Variants in ABTB2 observed in about 807,000 individuals in gnomAD.
The protein encoded by ABTB2 is ankyrin repeat and BTB/POZ domain-containing protein 2.
Under a neutral mutation model 104.1 loss-of-function variants are expected in ABTB2, and 56 were observed. The ratio of observed to expected loss-of-function variants is 0.54; its 90% CI spans 0.43 to 0.67. ABTB2 has a LOEUF of 0.67. Ranked by LOEUF, ABTB2 falls within the 30% of genes least tolerant of loss-of-function variation. ABTB2 has a pLI of 0.00. For missense variants in ABTB2, 1,279 were observed against 1,407.7 expected (o/e 0.91, Z 1.46); for synonymous variants, 606 against 608.2 (o/e 1.00, Z 0.05).
chr11:34,164,935 A>C, intron 8 of ABTB2, 114 bp from the exon 9 acceptor site: 3 of 1,290,042 alleles, frequency 2.3e-6, no homozygotes, highest in Non-Finnish European at 3.2e-6. Flanking sequence ...GGAATAAGTC[A>C]GTAAACCCCA....
rs1854071093 is a variant in ABTB2 at position 34,252,737 on chromosome 11, A to T, written c.884-48047T>A. On this transcript the variant is annotated intron_variant, in intron 1 of 16. Coordinates refer to ENST00000435224, the MANE Select transcript of ABTB2 (RefSeq NM_145804.3). The surrounding 1 kb of genome is among the most constrained non-coding windows in gnomAD (Gnocchi z 5.5). The stretch of plus-strand genomic sequence containing the variant: ...GTCTTATTTTCCACCTTCTACTCAA[A>T]CATGTTTTTATAACGTGCAACCACC... 6.6e-6 allele frequency among the ~76,000 whole-genome samples: 1 copy of T among 151,828 alleles called. No individual in the cohort carries two copies. Among genetic ancestry groups the T allele is most frequent in the African/African-American group, 2.4e-5 (1 of 41,324 alleles).
chr11:34,188,540 G>A (rs1427522402), intron 3 of ABTB2, among the ~76,000 whole-genome samples: 8 of 152,108 alleles, frequency 5.3e-5, no homozygotes, highest in Non-Finnish European at 1.0e-4. Flanking sequence ...GGGAATACAC[G>A]GAAACAAGTA....
intron 1 of ABTB2, among the ~76,000 whole-genome samples, chr11:34,243,807 G>C (rs1353428953): frequency 1.3e-5 from 2 of 152,080 alleles, no homozygotes; most frequent in East Asian, 3.9e-4. Flanking sequence ...TCTAGAGCAC[G>C]GTTCTTCGCA....
chr11:34,311,015 G>A (rs1455931098), intron 1 of ABTB2, among the ~76,000 whole-genome samples: 1 of 152,220 alleles, frequency 6.6e-6, no homozygotes, highest in Non-Finnish European at 1.5e-5. Context: ...ACAGAGAGAT[G>A]CCGTTTCTCC....
intron 1 of ABTB2, among the ~76,000 whole-genome samples, chr11:34,350,449 G>A (rs1373317692): frequency 6.6e-6 from 1 of 152,316 alleles, no homozygotes; most frequent in Admixed American, 6.5e-5. Context: ...GTCACCAGCA[G>A]GTGACACTTA....
rs1005923112 is a variant in ABTB2, at chr11:34,159,424, C to T, written c.2607-38G>A. ...AGACAAAGCAAGGTGGGTTTTGAAC[C>T]TTTTACTTCACCACTGTGTGGCGAT... On this transcript the variant is annotated intron_variant, in intron 13 of 16. Transcript: ENST00000435224. 2.9e-6 allele frequency: 4 copies of T among 1,401,754 alleles called. No individual in the cohort carries two copies. The African/African-American group carries it at 5.7e-5, about 20-fold the overall frequency. 86.8% of individuals were successfully genotyped at this position (1,401,754 alleles called of 1,614,324 possible). A position where few individuals can be genotyped will look rare whatever the true frequency, so the allele number is the denominator to read the frequency against.
At chr11:34,276,684 G>C (rs961799721) in intron 1 of ABTB2, among the ~76,000 whole-genome samples, 2 of 152,188 alleles carry the variant, frequency 1.3e-5, no homozygotes, top group African/African-American at 4.8e-5. Flanking sequence ...AATCAAATTA[G>C]CTTGACCAGT....
At chr11:34,258,534 C>T (rs890676390) in intron 1 of ABTB2, among the ~76,000 whole-genome samples, 12 of 150,986 alleles carry the variant, frequency 7.9e-5, no homozygotes, top group Non-Finnish European at 1.2e-4. Flanking sequence ...GGAATTGCCT[C>T]TTAGAGTTGT....
intron 1 of ABTB2, among the ~76,000 whole-genome samples, chr11:34,304,565 A>C (rs1052279874): frequency 1.3e-5 from 2 of 152,210 alleles, no homozygotes; most frequent in African/African-American, 4.8e-5. Flanking sequence ...TCACGCCTGT[A>C]ATCCAACACT....
intron 7 of ABTB2, among the ~76,000 whole-genome samples, chr11:34,166,454 C>A (rs1432215406): frequency 1.3e-5 from 2 of 152,264 alleles, no homozygotes; most frequent in Non-Finnish European, 2.9e-5. Context: ...TGCTCCGGTT[C>A]TTATAAGGCA....
chr11:34,312,426 C>T (rs2077441), intron 1 of ABTB2, among the ~76,000 whole-genome samples: 28,316 of 152,030 alleles, frequency 0.19, 2,990 homozygotes, highest in East Asian at 0.41. Flanking sequence ...TAGGGGGTCA[C>T]CTTGAGGATT....
chr11:34,153,016 G>A (rs1431752302), intron 16 of ABTB2, among the ~76,000 whole-genome samples: 1 of 152,170 alleles, frequency 6.6e-6, no homozygotes, highest in East Asian at 1.9e-4. Flanking sequence ...TGCTGCTGAT[G>A]TCCTAGTTTG....
intron 1 of ABTB2, among the ~76,000 whole-genome samples, chr11:34,236,561 A>G (rs1200799718): frequency 6.6e-6 from 1 of 152,158 alleles, no homozygotes; most frequent in Admixed American, 6.5e-5. Flanking sequence ...AGAGGACCCC[A>G]TTCTCTTTTG....
intron 1 of ABTB2, among the ~76,000 whole-genome samples, chr11:34,257,308 C>T (rs913593537): frequency 3.9e-5 from 6 of 152,162 alleles, no homozygotes; most frequent in African/African-American, 9.7e-5. Context: ...GAAGAAAAAG[C>T]GACTGCAGCA....
At chr11:34,165,989 AC>A (rs1852795118) in intron 7 of ABTB2, among the ~76,000 whole-genome samples, 1 of 152,214 alleles carries the variant, frequency 6.6e-6, no homozygotes, top group Non-Finnish European at 1.5e-5. Flanking sequence ...TTGACAGGGG[AC>A]AGACGGGGCA....
intron 1 of ABTB2, among the ~76,000 whole-genome samples, chr11:34,255,497 C>A (rs1297452657): frequency 6.8e-6 from 1 of 146,374 alleles, no homozygotes; most frequent in Non-Finnish European, 1.5e-5. Context: ...TTAAAAACTT[C>A]TTTTTTTTTT....
In ABTB2 at chr11:34,155,282, A is replaced by T. The variant is rs138085805; in HGVS notation, c.2698-513T>A. 1.8e-4 allele frequency among the ~76,000 whole-genome samples: 27 copies of T among 152,286 alleles called. 2 individuals are homozygous for T. The East Asian group carries it at 5.2e-3, about 29-fold the overall frequency. ...TTCCCCTGTTTGCACAAGGACTCCAATGTGGAGGTGAGTGCCCCATCTGGG... is the reference window on the plus strand; with the variant it reads ...TTCCCCTGTTTGCACAAGGACTCCATTGTGGAGGTGAGTGCCCCATCTGGG... On this transcript the variant is annotated intron_variant, in intron 14 of 16. Transcript: ENST00000435224.
intron 1 of ABTB2, among the ~76,000 whole-genome samples, chr11:34,237,794 G>A (rs1853864593): frequency 6.6e-6 from 1 of 152,206 alleles, no homozygotes; most frequent in South Asian, 2.1e-4. Flanking sequence ...GGGAGGCTGA[G>A]GCAGGAGAAT....
chr11:34,264,681 C>T (rs548112830), intron 1 of ABTB2, among the ~76,000 whole-genome samples: 219 of 152,316 alleles, frequency 1.4e-3, no homozygotes, highest in African/African-American at 5.1e-3. Flanking sequence ...GTTCTGGGAC[C>T]AGTGGTGGGT....
Sources: allele counts gnomAD v4.1 joint callset (sites outside exome capture counted in the v4.1 genomes callset), GRCh38; gene constraint gnomAD v4.1.1; non-coding constraint Gnocchi (gnomAD v3.1); transcripts MANE v1.5; gene names NCBI Gene and HGNC (gene_info 2026-07-23, HGNC 2026-07-21).